Variants in MMP8 observed in about 807,000 individuals in gnomAD.
MMP8 encodes the protein matrix metallopeptidase 8.
In MMP8, 67 loss-of-function variants were observed where a neutral mutation model predicts 51.2. The observed-to-expected ratio is 1.31, with a 90% CI of 1.08 to 1.60. MMP8 has a LOEUF of 1.60. Among genes scored for constraint, MMP8 ranks in the 40% most tolerant of loss-of-function variants. MMP8 has a pLI of 0.00. For synonymous variants in MMP8, 225 were observed against 191.0 expected (o/e 1.18, Z -1.47); for missense variants, 654 against 558.1 (o/e 1.17, Z -1.73).
rs58774554 is a variant in MMP8 at position 102,714,762 on chromosome 11, T to TTATATATA, written c.1037-61_1037-54dup. On this transcript the variant is annotated intron_variant, in intron 7 of 9. Transcript: ENST00000236826. ...ATACGACTTTTCCATTTTTACAAAATTATATATATATATATATATATATAT... is the reference window on the plus strand; with the variant it reads ...ATACGACTTTTCCATTTTTACAAAATTATATATATATATATATATATATATATATATAT... The TTATATATA allele has an allele frequency of 2.7e-3, 473 of 176,570 alleles. 6 individuals are homozygous for TTATATATA. Among genetic ancestry groups the TTATATATA allele is most frequent in the Non-Finnish European group, 3.7e-3 (366 of 98,018 alleles). 10.9% of individuals were successfully genotyped at this position (176,570 alleles called of 1,614,324 possible).
intron 1 of MMP8, 69 bp from the exon 2 acceptor site, chr11:102,722,742 C>G: frequency 1.3e-6 from 2 of 1,577,624 alleles, no homozygotes; most frequent in Non-Finnish European, 8.6e-7. Flanking sequence ...ATTTTGCAAC[C>G]CTTTCTAAGT....
At chr11:102,714,320 T>C (rs1357533591) in intron 8 of MMP8, among the ~76,000 whole-genome samples, 1 of 152,218 alleles carries the variant, frequency 6.6e-6, no homozygotes, top group Admixed American at 6.5e-5. Context: ...GTTAAGGTTT[T>C]CTTTGTTTCT....
chr11:102,713,926 G>A (rs181670363), intron 8 of MMP8, 69 bp from the exon 9 acceptor site: 3 of 1,098,644 alleles, frequency 2.7e-6, no homozygotes, highest in African/African-American at 1.6e-5. Context: ...TTTTTTTATT[G>A]TATATAATTT....
rs766951192 is a variant in MMP8 at position 102,713,367 on chromosome 11, AG to A, written c.1384del (p.Asn463ThrfsTer105). 1.3e-5 allele frequency: 21 copies of A among 1,612,866 alleles called. No individual in the cohort carries two copies. The Admixed American group carries it at 3.5e-4, about 27-fold the overall frequency. ...TTTGCTTCAGCCATATCTACAGTTA[AG>A]CCATTTATTGCCTCTTGCAACTCTG... ...VTRVARGNKW[L>X]NCRYG On this transcript the variant is annotated frameshift_variant, in exon 10 of 10. Transcript: ENST00000236826. LOFTEE classifies it high-confidence loss of function.
At chr11:102,718,204 T>G (rs569030212) in intron 5 of MMP8, among the ~76,000 whole-genome samples, 1 of 152,190 alleles carries the variant, frequency 6.6e-6, no homozygotes, top group East Asian at 1.9e-4. Flanking sequence ...AGCACTGTAG[T>G]GCATTTCTTC....
chr11:102,722,359 A>C, intron 2 of MMP8, 70 bp downstream of exon 2: 5 of 1,506,048 alleles, frequency 3.3e-6, no homozygotes, highest in Non-Finnish European at 4.5e-6. Context: ...TCCCAAGAAC[A>C]GTGTCTGTCA....
intron 1 of MMP8, chr11:102,723,032 T>C (rs1328523150): frequency 7.7e-7 from 1 of 1,293,860 alleles, no homozygotes; most frequent in Admixed American, 2.3e-5. Context: ...ATCAGTGCAG[T>C]TCCTCTTTTT....
Position 102,712,339 on chromosome 11 carries a change from GGTTCT to G in MMP8, c.*1004_*1008del. 6.6e-6 allele frequency: 1 copy of G among 152,320 alleles called. No homozygotes were observed. Among genetic ancestry groups the G allele is most frequent in the African/African-American group, 2.4e-5 (1 of 41,522 alleles). The allele number at this position is 152,320 out of a possible 1,614,324, so 9.4% of individuals were successfully genotyped here. A position where few individuals can be genotyped will look rare whatever the true frequency, so the allele number is the denominator to read the frequency against. On this transcript the variant is annotated 3_prime_UTR_variant, in exon 10 of 10. Transcript: ENST00000236826. Reference sequence around the variant, plus strand: ...AAGATGCCCAGTAGTCCTTAGCAAGGGTTCTACTTCTGCATTCTGTGTTGATTCAT... The same window carrying G: ...AAGATGCCCAGTAGTCCTTAGCAAGGACTTCTGCATTCTGTGTTGATTCAT...
chr11:102,715,465 C>G, intron 6 of MMP8, 28 bp from the exon 7 acceptor site: 32 of 1,600,172 alleles, frequency 2.0e-5, no homozygotes, highest in Non-Finnish European at 2.6e-5. Flanking sequence ...AACACACACA[C>G]ACACTTATAC....
In MMP8 at chr11:102,718,502, A is replaced by C; in HGVS notation, c.696T>G (p.Gly232=). The change falls in exon 5 of 10, where the codon GGT becomes GGG. Residue 232 remains glycine, a synonymous_variant. Coordinates refer to ENST00000236826, the MANE Select transcript of MMP8 (RefSeq NM_002424.3). The part of the protein sequence containing the change: ...SLGLAHSSDP[G]ALMYPNYAFR... Reference sequence around the variant, plus strand: ...AAGCATAGTTGGGATACATCAAGGCACCAGGGTCAGAGGAGTGAGCGAGCC... The same window carrying C: ...AAGCATAGTTGGGATACATCAAGGCCCCAGGGTCAGAGGAGTGAGCGAGCC... The C allele has an allele frequency of 6.2e-7, 1 of 1,613,968 alleles. No homozygotes were observed. Among genetic ancestry groups the C allele is most frequent in the Non-Finnish European group, 8.5e-7 (1 of 1,179,928 alleles).
rs1287943496 is a variant in MMP8, at chr11:102,724,738, C to G, written c.102+16G>C. ...AATCAGCAAATCAAACATCACCTAA[C>G]TGATAGTTCATTTACCTGAACAGTT... On this transcript the variant is annotated intron_variant, in intron 1 of 9. Coordinates refer to ENST00000236826, the MANE Select transcript of MMP8 (RefSeq NM_002424.3). 2 of 1,576,904 alleles carry G rather than the reference C, an allele frequency of 1.3e-6. No homozygotes were observed. Among genetic ancestry groups the G allele is most frequent in the Admixed American group, 1.7e-5 (1 of 57,348 alleles).
chr11:102,722,236 G>A (rs1229381445), intron 2 of MMP8, among the ~76,000 whole-genome samples, 193 bp downstream of exon 2: 1 of 152,002 alleles, frequency 6.6e-6, no homozygotes, highest in Non-Finnish European at 1.5e-5. Context: ...AGACTAAAAC[G>A]GGAAGCCTTG....
intron 5 of MMP8, 96 bp from the exon 6 acceptor site, chr11:102,716,515 G>C (rs911955805): frequency 1.5e-6 from 1 of 657,314 alleles, no homozygotes; most frequent in Non-Finnish European, 2.6e-6. Context: ...GAAAGGTGAA[G>C]GGTCTTCATG....
chr11:102,722,170 G>T (rs566461647), intron 2 of MMP8, among the ~76,000 whole-genome samples: 228 of 141,530 alleles, frequency 1.6e-3, no homozygotes, highest in African/African-American at 3.7e-3. Flanking sequence ...TAAAGTAAGT[G>T]CTTAGAGAGA....
At position 102,721,538 on chromosome 11, in the gene MMP8, A is replaced by G. The variant is rs777547020; in HGVS notation, c.497-12T>C. On this transcript the variant is annotated splice_polypyrimidine_tract_variant and intron_variant, in intron 3 of 9. Coordinates refer to ENST00000236826, the MANE Select transcript of MMP8 (RefSeq NM_002424.3). The stretch of plus-strand genomic sequence containing the variant: ...ATTGTCACCGTGATCTGAAATAAGA[A>G]CATTTGTATTAGATCCTTGCCAAGT... 2 of 1,613,810 alleles carry G rather than the reference A, an allele frequency of 1.2e-6. No individual in the cohort carries two copies. The highest frequency in any genetic ancestry group is 1.1e-5 in the South Asian group (1 of 91,072).
In MMP8 at chr11:102,723,011, G is replaced by A. The variant is rs191557661; in HGVS notation, c.103-338C>T. 214 of 1,298,806 alleles carry A rather than the reference G, an allele frequency of 1.6e-4. No homozygotes were observed. In the African/African-American group the frequency reaches 3.0e-3, roughly 18 times the overall value. 80.5% of individuals were successfully genotyped at this position (1,298,806 alleles called of 1,614,324 possible). ...CTAACATTAATTGACTTCTCTTGAG[G>A]TATTTGTTGCATCAGTGCAGTTCCT... On this transcript the variant is annotated intron_variant, in intron 1 of 9. Coordinates refer to ENST00000236826, the MANE Select transcript of MMP8 (RefSeq NM_002424.3).
rs1454354141 is a variant in MMP8, at chr11:102,718,401, G to C, written c.784+13C>G. 6.2e-7 allele frequency: 1 copy of C among 1,604,576 alleles called. No individual in the cohort carries two copies. The highest frequency in any genetic ancestry group is 2.2e-5 in the East Asian group (1 of 44,612). On this transcript the variant is annotated intron_variant, in intron 5 of 9. Coordinates refer to ENST00000236826, the MANE Select transcript of MMP8 (RefSeq NM_002424.3). ...TCCTACCATGTACTATGACTCTCTT[G>C]AGAAGACCTTACCATAGATGGCCTG...
intron 1 of MMP8, 139 bp from the exon 2 acceptor site, chr11:102,722,812 G>A: frequency 7.4e-7 from 1 of 1,343,524 alleles, no homozygotes; most frequent in African/African-American, 1.5e-5. Flanking sequence ...TAATTTGTAG[G>A]TTGGCTTTGA....
Position 102,713,794 on chromosome 11 carries a change from T to C in MMP8, c.1254A>G (p.Pro418=). 1.2e-6 allele frequency: 2 copies of C among 1,612,206 alleles called. No homozygotes were observed. Among genetic ancestry groups the C allele is most frequent in the Non-Finnish European group, 8.5e-7 (1 of 1,179,194 alleles). The change falls in exon 9 of 10, where the codon CCA becomes CCG. Residue 418 remains proline (P), a synonymous_variant. Transcript: ENST00000236826. The part of the protein sequence containing the change: ...GYPKSISGAF[P]GIESKVDAVF... ...CTGCATCAACTTTACTCTCTATTCC[T>C]GGAAAGGCACCTGATATGCTTTTGG...
Sources: allele counts gnomAD v4.1 joint callset (sites outside exome capture counted in the v4.1 genomes callset), GRCh38; gene constraint gnomAD v4.1.1; transcripts MANE v1.5; gene names NCBI Gene and HGNC (gene_info 2026-07-23, HGNC 2026-07-21).